Variants in FAM219A observed in about 807,000 individuals in gnomAD.
FAM219A encodes protein FAM219A.
FAM219A carries 7 observed loss-of-function variants against 23.4 expected under a neutral mutation model. The observed-to-expected ratio is 0.30, with a 90% CI of 0.17 to 0.56. The LOEUF (loss-of-function observed/expected upper bound fraction) is 0.56, where lower values mean the gene tolerates loss of function less well. FAM219A is among the 20% of genes least tolerant of loss of function. The probability of loss-of-function intolerance (pLI) is 0.92; values close to 1 mark genes in which losing one functional copy is unlikely to be tolerated. For synonymous variants in FAM219A, 93 were observed against 99.0 expected, an observed-to-expected ratio of 0.94 and a Z score of 0.36; for missense variants, 166 against 246.9, an observed-to-expected ratio of 0.67 and a Z score of 2.20.
chr9:34,422,418 C>T (rs1206680256), intron 1 of FAM219A, among the ~76,000 whole-genome samples: 1 of 152,204 alleles, frequency 6.6e-6, no homozygotes, highest in Non-Finnish European at 1.5e-5. Flanking sequence ...ATCTCTCTTA[C>T]CCCAGCCCCT....
At chr9:34,429,772 G>A (rs1474050797) in intron 1 of FAM219A, among the ~76,000 whole-genome samples, 1 of 152,112 alleles carries the variant, frequency 6.6e-6, no homozygotes, top group East Asian at 1.9e-4. Flanking sequence ...TTTAAATTAA[G>A]TATATTCCTA....
intron 4 of FAM219A, chr9:34,402,143 T>C: frequency 4.1e-6 from 6 of 1,449,232 alleles, no homozygotes; most frequent in Non-Finnish European, 5.5e-6. Flanking sequence ...GGGACAACCA[T>C]TGGATCAGTT....
chr9:34,451,437 C>T (rs982785283), intron 1 of FAM219A, among the ~76,000 whole-genome samples: 5 of 152,222 alleles, frequency 3.3e-5, no homozygotes, highest in African/African-American at 9.7e-5. Context: ...GCCCAATTCT[C>T]CCCTTTCCAC....
At chr9:34,443,422 A>T (rs754712647) in intron 1 of FAM219A, among the ~76,000 whole-genome samples, 3 of 152,168 alleles carry the variant, frequency 2.0e-5, no homozygotes, top group Non-Finnish European at 4.4e-5. Flanking sequence ...GCCTCACCAC[A>T]GCCCTGTCAA....
Position 34,400,915 on chromosome 9 carries a change from T to G in FAM219A, c.*49A>C. The G allele has an allele frequency of 6.8e-7, 1 of 1,481,214 alleles. No homozygotes were observed. Among genetic ancestry groups the G allele is most frequent in the Non-Finnish European group, 9.0e-7 (1 of 1,114,350 alleles). The allele number at this position is 1,481,214 out of a possible 1,614,324, so 91.8% of individuals were successfully genotyped here. A position where few individuals can be genotyped will look rare whatever the true frequency, so the allele number is the denominator to read the frequency against. ...GGAAGGGGTCGGCCTCTGCCCGTCC[T>G]ACCCGGCCCTTGGCGGCCCCGCCCC... On this transcript the variant is annotated 3_prime_UTR_variant, in exon 6 of 6. Transcript: ENST00000651358.
rs185722694 is a variant in FAM219A at position 34,438,378 on chromosome 9, C to T, written c.60+19826G>A. 5.4e-3 allele frequency among the ~76,000 whole-genome samples: 825 copies of T among 152,318 alleles called. 1 individual carries two copies. The highest frequency in any genetic ancestry group is 0.027 in the Middle Eastern group (8 of 294). On this transcript the variant is annotated intron_variant, in intron 1 of 5. Coordinates refer to ENST00000651358, the MANE Select transcript of FAM219A (RefSeq NM_001184940.2). ...GGCAGCTCCACCTGCAGCACCGGTGCGGGATCCACTGGGTGAAGCCAGCTG... is the reference window on the plus strand; with the variant it reads ...GGCAGCTCCACCTGCAGCACCGGTGTGGGATCCACTGGGTGAAGCCAGCTG...
chr9:34,430,028 T>C (rs1040023692), intron 1 of FAM219A, among the ~76,000 whole-genome samples: 15 of 152,128 alleles, frequency 9.9e-5, no homozygotes, highest in African/African-American at 3.6e-4. Context: ...CAGGGACAGC[T>C]TGGGAGATGA....
intron 1 of FAM219A, among the ~76,000 whole-genome samples, chr9:34,416,250 A>AGGGG (rs1564003343): frequency 2.1e-5 from 2 of 97,286 alleles, no homozygotes; most frequent in Non-Finnish European, 4.3e-5. Context: ...AAAGAAAGAA[A>AGGGG]GAAAGAAAGG....
chr9:34,404,709 AAACAACAACAAC>A (rs3036359), intron 2 of FAM219A, among the ~76,000 whole-genome samples: 3 of 150,894 alleles, frequency 2.0e-5, no homozygotes, highest in Non-Finnish European at 1.5e-5. Context: ...CTCTGTCTCA[AAACAACAACAAC>A]AACAACAACA....
intron 5 of FAM219A, 95 bp from the exon 6 acceptor site, chr9:34,401,217 C>T (rs1408789377): frequency 6.9e-6 from 10 of 1,450,760 alleles, no homozygotes; most frequent in Admixed American, 1.8e-5. Flanking sequence ...CCCAGTCCAG[C>T]CAGTGCCCTG....
chr9:34,398,640 G>A lies in FAM219A; in HGVS notation c.*2324C>T, dbSNP rs1821308034. The A allele has an allele frequency of 8.4e-6, 4 of 477,778 alleles. No individual in the cohort carries two copies. The highest frequency in any genetic ancestry group is 7.6e-6 in the Non-Finnish European group (2 of 263,236). The allele number at this position is 477,778 out of a possible 1,614,324, so 29.6% of individuals were successfully genotyped here. A position where few individuals can be genotyped will look rare whatever the true frequency, so the allele number is the denominator to read the frequency against. On this transcript the variant is annotated 3_prime_UTR_variant, in exon 6 of 6. Coordinates refer to ENST00000651358, the MANE Select transcript of FAM219A (RefSeq NM_001184940.2). ...GCCACAGAGATTGAACAATGGGCCC[G>A]AGTCACACTGCAAGTCAGCAGCAAA...
chr9:34,433,154 G>A (rs1037986321), intron 1 of FAM219A, among the ~76,000 whole-genome samples: 1 of 152,132 alleles, frequency 6.6e-6, no homozygotes, highest in African/African-American at 2.4e-5. Flanking sequence ...ATTTATATCA[G>A]TATGGATTAA....
In FAM219A at chr9:34,407,039, G is replaced by C. The variant is rs10972094; in HGVS notation, c.61-1075C>G. 7.1e-3 allele frequency among the ~76,000 whole-genome samples: 1,083 copies of C among 152,122 alleles called. 15 individuals are homozygous for C. The highest frequency in any genetic ancestry group is 0.025 in the African/African-American group (1,043 of 41,486). ...GCTGGTCTCGAACTCCTGACCTCAT[G>C]ATCCGCCTGCCTCAGCCTCCCAAAG... On this transcript the variant is annotated intron_variant, in intron 1 of 5. Transcript: ENST00000651358.
chr9:34,434,680 T>C (rs546780777), intron 1 of FAM219A, among the ~76,000 whole-genome samples: 2 of 152,350 alleles, frequency 1.3e-5, no homozygotes, highest in African/African-American at 4.8e-5. Context: ...TTAGTGATCA[T>C]AGTTTTACCT....
intron 1 of FAM219A, among the ~76,000 whole-genome samples, chr9:34,423,994 TAAG>T (rs1228375199): frequency 1.3e-5 from 2 of 152,000 alleles, no homozygotes; most frequent in African/African-American, 4.8e-5. Context: ...TGTTTATAAA[TAAG>T]AAGGGCTTAG....
At chr9:34,410,491 G>C (rs1314946704) in intron 1 of FAM219A, among the ~76,000 whole-genome samples, 1 of 152,166 alleles carries the variant, frequency 6.6e-6, no homozygotes, top group Non-Finnish European at 1.5e-5. Context: ...GGGCTACTCT[G>C]GTAGGACTCT....
chr9:34,407,316 G>A (rs1298800242), intron 1 of FAM219A, among the ~76,000 whole-genome samples: 1 of 152,040 alleles, frequency 6.6e-6, no homozygotes, highest in Admixed American at 6.5e-5. Flanking sequence ...TCAGCCTGTT[G>A]CAACATTTTG....
At chr9:34,434,101 C>T (rs900877099) in intron 1 of FAM219A, among the ~76,000 whole-genome samples, 2 of 148,584 alleles carry the variant, frequency 1.3e-5, no homozygotes, top group Admixed American at 1.4e-4. Context: ...ACTCGGGAGG[C>T]TGAGGCAGGA....
chr9:34,448,807 G>A (rs538984887), intron 1 of FAM219A, among the ~76,000 whole-genome samples: 2 of 152,206 alleles, frequency 1.3e-5, no homozygotes, highest in South Asian at 4.1e-4. Flanking sequence ...AGGACACAAA[G>A]GCATAAGAAT....
Sources: gnomAD v4.1 joint callset for allele counts (sites outside exome capture counted in the v4.1 genomes callset) on GRCh38, gnomAD v4.1.1 for gene constraint, MANE v1.5 for transcripts, NCBI Gene and HGNC (gene_info 2026-07-23, HGNC 2026-07-21) for gene names.